KPNA3: variants seen among roughly 807,000 people sequenced by gnomAD.
KPNA3 encodes importin subunit alpha-4.
Under a neutral mutation model 73.8 loss-of-function variants are expected in KPNA3, and 13 were observed. The ratio of observed to expected loss-of-function variants is 0.18; its 90% CI spans 0.11 to 0.28. The LOEUF is 0.28. KPNA3 is among the 10% of genes least tolerant of loss of function. KPNA3 has a pLI of 1.00. For missense variants in KPNA3, 360 were observed against 618.1 expected, an observed-to-expected ratio of 0.58 and a Z score of 4.43; for synonymous variants, 186 against 206.9, an observed-to-expected ratio of 0.90 and a Z score of 0.87.
rs955302366 is a variant in KPNA3, at chr13:49,746,935, TA to T, written c.114+13del. The T allele has an allele frequency of 1.3e-6, 2 of 1,589,250 alleles. No individual in the cohort carries two copies. Among genetic ancestry groups the T allele is most frequent in the African/African-American group, 2.7e-5 (2 of 74,362 alleles). ...AAATCTAATTACTTTTCTTTAAATGTAAATCAACCTTACCTTCCGCAGTTCC... is the reference window on the plus strand; with the variant it reads ...AAATCTAATTACTTTTCTTTAAATGTAATCAACCTTACCTTCCGCAGTTCC... On this transcript the variant is annotated intron_variant, in intron 2 of 16. Coordinates refer to ENST00000261667, the MANE Select transcript of KPNA3 (RefSeq NM_002267.4).
chr13:49,721,914 A>C, intron 9 of KPNA3, 41 bp downstream of exon 9: 1 of 1,342,520 alleles, frequency 7.4e-7, no homozygotes, highest in Non-Finnish European at 1.0e-6. Flanking sequence ...GTACAAACAT[A>C]GGGAAAATAT....
chr13:49,757,632 A>G (rs1954722593), intron 1 of KPNA3, among the ~76,000 whole-genome samples: 1 of 152,108 alleles, frequency 6.6e-6, no homozygotes, highest in South Asian at 2.1e-4. Context: ...CACATGTAAC[A>G]ACCACAGGAC....
At chr13:49,751,974 CA>C (rs974721449) in intron 1 of KPNA3, among the ~76,000 whole-genome samples, 7 of 152,150 alleles carry the variant, frequency 4.6e-5, no homozygotes, top group African/African-American at 1.7e-4. Context: ...CAAATACAAG[CA>C]GGGTCTGGTT....
chr13:49,777,502 T>C (rs1008459529), intron 1 of KPNA3, among the ~76,000 whole-genome samples: 25 of 152,128 alleles, frequency 1.6e-4, no homozygotes, highest in African/African-American at 5.3e-4. Context: ...GTTGTTACAC[T>C]ATTTATTTTT....
chr13:49,745,362 A>AT (rs71078886), intron 2 of KPNA3, among the ~76,000 whole-genome samples: 3,805 of 145,118 alleles, frequency 0.026, 56 homozygotes, highest in Non-Finnish European at 0.033. Flanking sequence ...CAAGACGGTA[A>AT]TTTTTTTTTT....
At chr13:49,736,907 T>G (rs1034467672) in intron 2 of KPNA3, among the ~76,000 whole-genome samples, 1 of 152,190 alleles carries the variant, frequency 6.6e-6, no homozygotes, top group Admixed American at 6.5e-5. Context: ...TTTCAAAAAT[T>G]TTATATAAAT....
At chr13:49,790,222 T>C (rs1289826588) in intron 1 of KPNA3, among the ~76,000 whole-genome samples, 1 of 152,142 alleles carries the variant, frequency 6.6e-6, no homozygotes, top group Non-Finnish European at 1.5e-5. Context: ...GTTCGAACAC[T>C]TTGGAAGGCC....
At chr13:49,762,660 A>G (rs1954777068) in intron 1 of KPNA3, among the ~76,000 whole-genome samples, 1 of 152,040 alleles carries the variant, frequency 6.6e-6, no homozygotes, top group African/African-American at 2.4e-5. Context: ...CAGATGCTTG[A>G]AGGCTGCATG....
At chr13:49,747,549 G>A (rs1414438309) in intron 1 of KPNA3, among the ~76,000 whole-genome samples, 1 of 152,166 alleles carries the variant, frequency 6.6e-6, no homozygotes, top group Admixed American at 6.5e-5. Context: ...GCTGGGTGCA[G>A]TAGCACGCCC....
intron 1 of KPNA3, among the ~76,000 whole-genome samples, chr13:49,788,823 T>C (rs1444484976): frequency 6.7e-6 from 1 of 149,674 alleles, no homozygotes; most frequent in Non-Finnish European, 1.5e-5. Context: ...ACAAAATGCA[T>C]CCCCTACCCA....
rs10707385 is a variant in KPNA3, at chr13:49,720,729, CAA to C, written c.727-912_727-911del. 5.8e-3 allele frequency among the ~76,000 whole-genome samples: 511 copies of C among 87,974 alleles called. 1 individual carries two copies. Among genetic ancestry groups the C allele is most frequent in the Middle Eastern group, 0.011 (2 of 186 alleles). The allele number at this position is 87,974 out of a possible 152,430, so 57.7% of individuals were successfully genotyped here. Reference sequence around the variant, plus strand: ...CCTGGGAAACAGAGCGAGACTGTCTCAAAAAAAAAAAAAAAAAAAAGAGATAA... The same window carrying C: ...CCTGGGAAACAGAGCGAGACTGTCTCAAAAAAAAAAAAAAAAAAGAGATAA... On this transcript the variant is annotated intron_variant, in intron 9 of 16. Transcript: ENST00000261667.
chr13:49,706,176 G>C lies in KPNA3; in HGVS notation c.1138-7C>G. On this transcript the variant is annotated splice_region_variant and splice_polypyrimidine_tract_variant and intron_variant, in intron 13 of 16. Transcript: ENST00000261667. Reference sequence around the variant, plus strand: ...TTTGTGTTCCAAAGTCCCCCTGAAGGTTAAAAATGAGATCATAAAATGGAC... The same window carrying C: ...TTTGTGTTCCAAAGTCCCCCTGAAGCTTAAAAATGAGATCATAAAATGGAC... The C allele has an allele frequency of 6.2e-7, 1 of 1,613,282 alleles. No homozygotes were observed. Among genetic ancestry groups the C allele is most frequent in the Non-Finnish European group, 8.5e-7 (1 of 1,179,786 alleles).
At chr13:49,727,244 T>C (rs1368750502) in intron 6 of KPNA3, among the ~76,000 whole-genome samples, 1 of 151,804 alleles carries the variant, frequency 6.6e-6, no homozygotes, top group Non-Finnish European at 1.5e-5. Context: ...GGTCGGGAGT[T>C]TGAAACCAGC....
intron 14 of KPNA3, 141 bp downstream of exon 14, chr13:49,705,957 T>C (rs572891431): frequency 1.5e-5 from 15 of 985,386 alleles, no homozygotes; most frequent in East Asian, 1.0e-4. Context: ...CTGGGCAACA[T>C]AGTGAGACTC....
At chr13:49,702,997 T>C (rs572732489) in intron 15 of KPNA3, among the ~76,000 whole-genome samples, 2 of 151,746 alleles carry the variant, frequency 1.3e-5, no homozygotes, top group East Asian at 2.0e-4. Flanking sequence ...GCCTCCCAAG[T>C]AGCTGGGACT....
In KPNA3 at chr13:49,733,003, T is replaced by C; in HGVS notation, c.158A>G (p.Gln53Arg). Residue 53 changes from glutamine (Q) to arginine (R), a missense_variant, in exon 3 of 17, where the codon CAA becomes CGA. This residue lies in a region of KPNA3 where 287 missense variants were observed against 549.1 expected (regional missense o/e 0.52). Coordinates refer to ENST00000261667, the MANE Select transcript of KPNA3 (RefSeq NM_002267.4). ...ATCTGAATCTTCTAGACTTTCTTCT[T>C]GGGGAACATTTCTCTTTTTCAATAA... ...EHLLKKRNVP[Q>R]EESLEDSDVD... 2.5e-6 allele frequency: 4 copies of C among 1,611,904 alleles called. No homozygotes were observed. The highest frequency in any genetic ancestry group is 3.4e-6 in the Non-Finnish European group (4 of 1,178,398).
intron 1 of KPNA3, among the ~76,000 whole-genome samples, chr13:49,772,743 C>A (rs1425733171): frequency 1.3e-5 from 2 of 152,174 alleles, no homozygotes; most frequent in African/African-American, 4.8e-5. Context: ...GCAGAGGCTG[C>A]AATGAGCTGA....
intron 6 of KPNA3, among the ~76,000 whole-genome samples, chr13:49,731,974 G>A (rs991466371): frequency 6.6e-6 from 1 of 152,188 alleles, no homozygotes; most frequent in Non-Finnish European, 1.5e-5. Flanking sequence ...GTAAGAAAGA[G>A]CCACTTAGTT....
chr13:49,732,964 A>G lies in KPNA3; in HGVS notation c.197T>C (p.Phe66Ser). 6.3e-7 allele frequency: 1 copy of G among 1,598,294 alleles called. No individual in the cohort carries two copies. Among genetic ancestry groups the G allele is most frequent in the Non-Finnish European group, 8.6e-7 (1 of 1,166,898 alleles). ...SLEDSDVDAD[F>S]KAQNVTLEAI... ...TAAAACATGGTAACTTACTGCTTTA[A>G]AATCAGCATCAACATCTGAATCTTC... Residue 66 changes from phenylalanine to serine, a missense_variant, in exon 3 of 17, where the codon TTT (phenylalanine) becomes TCT (serine). Physicochemically the swap from Phe to Ser is radical, Grantham distance 155. Transcript: ENST00000261667.
Sources: allele counts gnomAD v4.1 joint callset (sites outside exome capture counted in the v4.1 genomes callset), GRCh38; gene constraint gnomAD v4.1.1; regional missense constraint gnomAD v4.1.1; transcripts MANE v1.5; gene names NCBI Gene and HGNC (gene_info 2026-07-23, HGNC 2026-07-21).